The following CD300E variants were observed in gnomAD, a reference collection of about 807,000 sequenced individuals.
CD300E encodes CD300e molecule.
In CD300E, 14 loss-of-function variants were observed where a neutral mutation model predicts 20.9. The observed-to-expected ratio is 0.67, with a 90% CI of 0.44 to 1.05. CD300E has a LOEUF of 1.05. Ranked by LOEUF, CD300E falls within the 50% of genes least tolerant of loss-of-function variation. CD300E has a pLI of 0.00. For missense variants in CD300E, 237 were observed against 253.9 expected, an observed-to-expected ratio of 0.93 and a Z score of 0.45; for synonymous variants, 102 against 103.7, an observed-to-expected ratio of 0.98 and a Z score of 0.10.
At chr17:74,615,274 A>T (rs2030875869) in intron 2 of CD300E, among the ~76,000 whole-genome samples, 1 of 152,040 alleles carries the variant, frequency 6.6e-6, no homozygotes, top group Non-Finnish European at 1.5e-5. Context: ...AGGACAGGAG[A>T]TGGTGTGGAT....
Position 74,612,782 on chromosome 17 carries a change from G to C in CD300E, c.498-9C>G. 1 of 1,613,546 alleles carries C rather than the reference G, an allele frequency of 6.2e-7. No homozygotes were observed. The highest frequency in any genetic ancestry group is 2.2e-5 in the East Asian group (1 of 44,870). ...GGCTGCTGAGCCGGAACCTGTGGTGGACACGGTGAAAATGAGTCACTTCCC... is the reference window on the plus strand; with the variant it reads ...GGCTGCTGAGCCGGAACCTGTGGTGCACACGGTGAAAATGAGTCACTTCCC... On this transcript the variant is annotated splice_polypyrimidine_tract_variant and intron_variant, in intron 3 of 3. Coordinates refer to ENST00000392619, the MANE Select transcript of CD300E (RefSeq NM_181449.3).
Position 74,622,944 on chromosome 17 carries a change from G to A in CD300E, c.40+638C>T, listed in dbSNP as rs1184048. Among the ~76,000 whole-genome samples the A allele has an allele frequency of 5.9e-5, 9 of 152,128 alleles. No individual in the cohort carries two copies. The East Asian group carries it at 1.5e-3, about 26-fold the overall frequency. On this transcript the variant is annotated intron_variant, in intron 1 of 3. Coordinates refer to ENST00000392619, the MANE Select transcript of CD300E (RefSeq NM_181449.3). The stretch of plus-strand genomic sequence containing the variant: ...GTAGAGACAGGGTTTCACCATGTTG[G>A]CCAGGCTGGTCTCAAACTCCTGACC...
intron 2 of CD300E, among the ~76,000 whole-genome samples, chr17:74,615,032 G>A (rs895922207): frequency 2.0e-5 from 3 of 152,210 alleles, no homozygotes; most frequent in Non-Finnish European, 2.9e-5. Context: ...GTTGATGGAC[G>A]TGGCATGAGC....
chr17:74,617,515 A>T, intron 1 of CD300E, 50 bp from the exon 2 acceptor site: 1 of 1,487,780 alleles, frequency 6.7e-7, no homozygotes, highest in Non-Finnish European at 9.2e-7. Context: ...TGGCCCCATC[A>T]GCAGCCGTCT....
chr17:74,622,458 C>T (rs1324096802), intron 1 of CD300E, among the ~76,000 whole-genome samples: 1 of 152,042 alleles, frequency 6.6e-6, no homozygotes, highest in Non-Finnish European at 1.5e-5. Context: ...GTCATTTTCA[C>T]TCACCCTTCT....
intron 1 of CD300E, among the ~76,000 whole-genome samples, chr17:74,618,289 G>A (rs536547): frequency 0.016 from 2,496 of 152,308 alleles, 70 homozygotes; most frequent in African/African-American, 0.057. Context: ...TTAAGCAAGT[G>A]CTGAAAAACT....
Position 74,610,256 on chromosome 17 carries a change from A to G in CD300E, c.*2397T>C, listed in dbSNP as rs950374126. On this transcript the variant is annotated 3_prime_UTR_variant, in exon 4 of 4. Coordinates refer to ENST00000392619, the MANE Select transcript of CD300E (RefSeq NM_181449.3). ...TGATTCTGCTCCAGCACCTTGATCA[A>G]TGTCTTCCTCCTACCCTTTGTCTTT... 2.0e-5 allele frequency: 3 copies of G among 152,328 alleles called. No homozygotes were observed. The highest frequency in any genetic ancestry group is 7.2e-5 in the African/African-American group (3 of 41,426). 9.4% of individuals were successfully genotyped at this position (152,328 alleles called of 1,614,324 possible). A position where few individuals can be genotyped will look rare whatever the true frequency, so the allele number is the denominator to read the frequency against.
At position 74,612,752 on chromosome 17, in the gene CD300E, G is replaced by A; in HGVS notation, c.519C>T (p.His173=). 6.2e-7 allele frequency: 1 copy of A among 1,613,968 alleles called. No homozygotes were observed. Among genetic ancestry groups the A allele is most frequent in the South Asian group, 1.1e-5 (1 of 91,082 alleles). Residue 173 remains histidine, a synonymous_variant, in exon 4 of 4, where the codon CAC becomes CAT. Transcript: ENST00000392619. ...QNSGFRLSSP[H]FLLVVLLKLP... ...GCTTCAGAAGGACCACGAGCAGGAAGTGAGGGCTGCTGAGCCGGAACCTGT... is the reference window on the plus strand; with the variant it reads ...GCTTCAGAAGGACCACGAGCAGGAAATGAGGGCTGCTGAGCCGGAACCTGT...
rs141286848 is a variant in CD300E, at chr17:74,616,040, C to T, written c.388+1078G>A. 8.3e-3 allele frequency among the ~76,000 whole-genome samples: 1,260 copies of T among 152,226 alleles called. 12 individuals are homozygous for T. Among genetic ancestry groups the T allele is most frequent in the Admixed American group, 0.028 (429 of 15,288 alleles). ...CGGAGGTTGCAGTAAGCCGAGATCG[C>T]TCCACGGCACTCCAGCCTGGGCAAC... On this transcript the variant is annotated intron_variant, in intron 2 of 3. Transcript: ENST00000392619.
chr17:74,617,088 C>T (rs1598150042), intron 2 of CD300E, 30 bp downstream of exon 2: 1 of 1,602,254 alleles, frequency 6.2e-7, no homozygotes, highest in Non-Finnish European at 8.5e-7. Context: ...GCACCCCAAA[C>T]CCTGCTGCCA....
intron 1 of CD300E, chr17:74,619,134 G>A (rs561862448): frequency 1.8e-4 from 86 of 471,222 alleles, no homozygotes; most frequent in African/African-American, 1.6e-3. Flanking sequence ...CCTCCTGGAG[G>A]TGGCACATCC....
chr17:74,614,102 A>C, intron 2 of CD300E, 69 bp from the exon 3 acceptor site: 1 of 1,184,188 alleles, frequency 8.4e-7, no homozygotes, highest in Non-Finnish European at 1.3e-6. Context: ...ACCCGTATGG[A>C]TGTCATACAG....
intron 2 of CD300E, among the ~76,000 whole-genome samples, chr17:74,614,570 C>T (rs2030859002): frequency 6.6e-6 from 1 of 151,642 alleles, no homozygotes; most frequent in South Asian, 2.1e-4. Flanking sequence ...ACAACCTCCA[C>T]CTCCCGGGTT....
chr17:74,620,640 CA>C (rs34942098), intron 1 of CD300E, among the ~76,000 whole-genome samples: 1,998 of 126,810 alleles, frequency 0.016, 31 homozygotes, highest in African/African-American at 0.048. Flanking sequence ...AGACTCCGGC[CA>C]AAAAAAAAAA....
At chr17:74,623,427 T>C (rs1198474315) in intron 1 of CD300E, among the ~76,000 whole-genome samples, 155 bp downstream of exon 1, 1 of 152,212 alleles carries the variant, frequency 6.6e-6, no homozygotes, top group Non-Finnish European at 1.5e-5. Context: ...CGTGGATGAA[T>C]GATTGAATGT....
chr17:74,614,133 G>T, intron 2 of CD300E, 100 bp from the exon 3 acceptor site: 2 of 949,752 alleles, frequency 2.1e-6, no homozygotes, highest in Non-Finnish European at 3.3e-6. Flanking sequence ...TCACAGAAGA[G>T]GCTGGAAAGA....
chr17:74,614,127 A>C (rs1295690241), intron 2 of CD300E, 94 bp from the exon 3 acceptor site: 16 of 996,978 alleles, frequency 1.6e-5, no homozygotes. Context: ...ACCCACTCAC[A>C]GAAGAGGCTG....
intron 1 of CD300E, 55 bp from the exon 2 acceptor site, chr17:74,617,520 C>A: frequency 6.8e-7 from 1 of 1,465,580 alleles, no homozygotes; most frequent in South Asian, 1.2e-5. Flanking sequence ...CCATCAGCAG[C>A]CGTCTGTCTG....
At chr17:74,616,473 A>G (rs2030901833) in intron 2 of CD300E, among the ~76,000 whole-genome samples, 1 of 152,168 alleles carries the variant, frequency 6.6e-6, no homozygotes. Context: ...CAGAGGTTGG[A>G]GTGGAGGCAC....
Sources: allele counts gnomAD v4.1 joint callset (sites outside exome capture counted in the v4.1 genomes callset), GRCh38; gene constraint gnomAD v4.1.1; transcripts MANE v1.5; gene names NCBI Gene and HGNC (gene_info 2026-07-23, HGNC 2026-07-21).